The following TACR3 variants were observed in gnomAD, a reference collection of about 807,000 sequenced individuals.
TACR3 encodes the protein neuromedin-K receptor.
TACR3 carries 34 observed loss-of-function variants against 35.0 expected under a neutral mutation model. That is an observed-to-expected ratio of 0.97 (90% confidence interval 0.74 to 1.30). The LOEUF is 1.30. TACR3 is among the 50% of genes most tolerant of loss of function. TACR3 has a pLI of 0.00. For synonymous variants in TACR3, 233 were observed against 221.1 expected, an observed-to-expected ratio of 1.05 and a Z score of -0.48; for missense variants, 558 against 591.7, an observed-to-expected ratio of 0.94 and a Z score of 0.59.
Position 103,719,570 on chromosome 4 carries a change from C to A in TACR3, c.106G>T (p.Ala36Ser). ...ASLAAGAATGAVETGWLQLLD... is the reference protein window; with the variant it reads ...ASLAAGAATGSVETGWLQLLD... Reference sequence around the variant, plus strand: ...AGTTGCAGCCACCCAGTCTCAACTGCCCCCGTGGCCGCCCCGGCAGCTAGC... The same window carrying A: ...AGTTGCAGCCACCCAGTCTCAACTGACCCCGTGGCCGCCCCGGCAGCTAGC... The change falls in exon 1 of 5, where the codon GCA (alanine) becomes TCA (serine). Residue 36 changes from alanine (A) to serine (S), a missense_variant. Transcript: ENST00000304883. 1 of 1,609,590 alleles carries A rather than the reference C, an allele frequency of 6.2e-7. No individual in the cohort carries two copies. Among genetic ancestry groups the A allele is most frequent in the South Asian group, 1.1e-5 (1 of 90,688 alleles).
At chr4:103,687,635 C>T (rs1409524791) in intron 1 of TACR3, among the ~76,000 whole-genome samples, 7 of 152,068 alleles carry the variant, frequency 4.6e-5, no homozygotes, top group African/African-American at 7.2e-5. Context: ...CATGAGTGAA[C>T]TCCCATTCAC....
intron 1 of TACR3, among the ~76,000 whole-genome samples, chr4:103,716,016 T>A (rs1723081772): frequency 6.6e-6 from 1 of 152,194 alleles, no homozygotes; most frequent in African/African-American, 2.4e-5. Context: ...TTGTTAGGTG[T>A]CATAATAGTG....
chr4:103,604,701 A>C (rs1024467231), intron 3 of TACR3, among the ~76,000 whole-genome samples: 2 of 152,148 alleles, frequency 1.3e-5, no homozygotes, highest in Non-Finnish European at 2.9e-5. Context: ...AAGAAAAAAA[A>C]CACCACCATC....
At chr4:103,622,514 A>G (rs980893563) in intron 3 of TACR3, among the ~76,000 whole-genome samples, 1 of 152,034 alleles carries the variant, frequency 6.6e-6, no homozygotes, top group African/African-American at 2.4e-5. Context: ...GGCGGATCAC[A>G]AGGTCAGGAG....
intron 3 of TACR3, among the ~76,000 whole-genome samples, chr4:103,625,265 C>T (rs1439563105): frequency 2.6e-5 from 4 of 151,560 alleles, no homozygotes; most frequent in Non-Finnish European, 5.9e-5. Context: ...TGGTATAAAA[C>T]GTGTAAGGAC....
At chr4:103,691,041 A>G (rs900581954) in intron 1 of TACR3, among the ~76,000 whole-genome samples, 1 of 152,188 alleles carries the variant, frequency 6.6e-6, no homozygotes, top group Non-Finnish European at 1.5e-5. Flanking sequence ...TATGAATACA[A>G]AATGGTAGTG....
chr4:103,632,678 AAG>A (rs1560815329), intron 3 of TACR3, among the ~76,000 whole-genome samples: 1 of 152,032 alleles, frequency 6.6e-6, no homozygotes, highest in Non-Finnish European at 1.5e-5. Flanking sequence ...AATAAAGAAA[AAG>A]AAATATTGTC....
intron 1 of TACR3, among the ~76,000 whole-genome samples, chr4:103,713,046 C>T (rs1172841464): frequency 2.0e-5 from 3 of 152,134 alleles, no homozygotes; most frequent in Admixed American, 6.5e-5. Context: ...ACTAGTTCAA[C>T]CATTGTGGAA....
intron 3 of TACR3, among the ~76,000 whole-genome samples, chr4:103,654,880 G>A (rs945179987): frequency 3.9e-5 from 6 of 151,990 alleles, no homozygotes; most frequent in East Asian, 3.9e-4. Context: ...TATATAAGGC[G>A]GGTTGAAATT....
intron 3 of TACR3, among the ~76,000 whole-genome samples, chr4:103,629,872 C>CAAACAAAAA (rs1553969638): frequency 9.6e-6 from 1 of 104,150 alleles, no homozygotes; most frequent in Non-Finnish European, 2.0e-5. Flanking sequence ...AAAAAAAAAA[C>CAAACAAAAA]AAAAAAAACA....
intron 1 of TACR3, among the ~76,000 whole-genome samples, chr4:103,702,185 A>G (rs1722667086): frequency 6.6e-6 from 1 of 152,230 alleles, no homozygotes; most frequent in Non-Finnish European, 1.5e-5. Flanking sequence ...ATCTACAATG[A>G]ACTCAAACAA....
chr4:103,635,508 CA>C (rs1725167469), intron 3 of TACR3, among the ~76,000 whole-genome samples: 1 of 151,878 alleles, frequency 6.6e-6, no homozygotes, highest in African/African-American at 2.4e-5. Flanking sequence ...TAAGCCTTCC[CA>C]TGCTTAATAT....
intron 1 of TACR3, among the ~76,000 whole-genome samples, chr4:103,708,278 C>G (rs1183664204): frequency 2.0e-5 from 3 of 152,122 alleles, no homozygotes; most frequent in Non-Finnish European, 4.4e-5. Context: ...ACACCTCAAA[C>G]AGCCAGGTAC....
chr4:103,662,217 G>GGTTTTTTTTTTTTTTTTTTTTT (rs1553972885), intron 1 of TACR3, among the ~76,000 whole-genome samples: 2 of 86,272 alleles, frequency 2.3e-5, no homozygotes, highest in African/African-American at 5.1e-5. Context: ...TGTTGATGGT[G>GGTTTTTTTTTTTTTTTTTTTTT]TTTTTTTTTT....
rs12503414 is a variant in TACR3 at position 103,638,916 on chromosome 4, C to T, written c.888+17278G>A. On this transcript the variant is annotated intron_variant, in intron 3 of 4. Transcript: ENST00000304883. Reference sequence around the variant, plus strand: ...TACCATCTCACACCAGTTAGAATGGCGATCATTAAAAAGTCAGGAAACTAC... The same window carrying T: ...TACCATCTCACACCAGTTAGAATGGTGATCATTAAAAAGTCAGGAAACTAC... Among the ~76,000 whole-genome samples the T allele has an allele frequency of 7.1e-3, 1,078 of 152,106 alleles. 36 individuals are homozygous for T. Among genetic ancestry groups the T allele is most frequent in the Admixed American group, 0.043 (650 of 15,268 alleles).
At chr4:103,684,099 C>A (rs1375997341) in intron 1 of TACR3, among the ~76,000 whole-genome samples, 1 of 150,592 alleles carries the variant, frequency 6.6e-6, no homozygotes, top group Non-Finnish European at 1.5e-5. Context: ...GAGAAATCTA[C>A]AAATAACCTA....
intron 1 of TACR3, among the ~76,000 whole-genome samples, chr4:103,675,122 T>A (rs763899742): frequency 3.3e-5 from 5 of 152,144 alleles, no homozygotes; most frequent in Non-Finnish European, 5.9e-5. Context: ...TTTTCTCACT[T>A]CCTTTGCACT....
At chr4:103,665,283 C>G (rs2110333791) in intron 1 of TACR3, among the ~76,000 whole-genome samples, 1 of 151,694 alleles carries the variant, frequency 6.6e-6, no homozygotes, top group African/African-American at 2.4e-5. Context: ...ATGACTATGA[C>G]TATTCATATA....
intron 3 of TACR3, among the ~76,000 whole-genome samples, chr4:103,629,406 A>C (rs1421856312): frequency 2.0e-5 from 3 of 152,186 alleles, no homozygotes; most frequent in East Asian, 3.8e-4. Flanking sequence ...GTCTCAGCCC[A>C]AAATCTCCTC....
Sources: gnomAD v4.1 joint callset for allele counts (sites outside exome capture counted in the v4.1 genomes callset) on GRCh38, gnomAD v4.1.1 for gene constraint, MANE v1.5 for transcripts, NCBI Gene and HGNC (gene_info 2026-07-23, HGNC 2026-07-21) for gene names.